Variants in DDR2 observed in about 807,000 individuals in gnomAD.
DDR2 encodes the protein discoidin domain-containing receptor 2.
DDR2 carries 27 observed loss-of-function variants against 94.9 expected under a neutral mutation model. That is an observed-to-expected ratio of 0.28 (90% CI 0.21 to 0.39). DDR2 has a LOEUF of 0.39. Ranked by LOEUF, DDR2 falls within the 10% of genes least tolerant of loss-of-function variation. The probability of loss-of-function intolerance (pLI) is 1.00; values close to 1 mark genes in which losing one functional copy is unlikely to be tolerated. For missense variants in DDR2, 783 were observed against 1,076.0 expected (o/e 0.73, Z 3.81); for synonymous variants, 382 against 377.2 (o/e 1.01, Z -0.15).
intron 1 of DDR2, among the ~76,000 whole-genome samples, chr1:162,643,208 A>G (rs1657232521): frequency 6.6e-6 from 1 of 152,028 alleles, no homozygotes; most frequent in Non-Finnish European, 1.5e-5. Context: ...AGCGCCCCCC[A>G]TGCTCCAGAA....
At chr1:162,701,403 G>A (rs1450744038) in intron 2 of DDR2, among the ~76,000 whole-genome samples, 2 of 152,238 alleles carry the variant, frequency 1.3e-5, no homozygotes, top group Non-Finnish European at 2.9e-5. Flanking sequence ...TCATGTGGGA[G>A]TGTTCATAGG....
intron 3 of DDR2, among the ~76,000 whole-genome samples, chr1:162,725,373 C>T (rs1193826529): frequency 3.3e-5 from 5 of 151,976 alleles, no homozygotes; most frequent in African/African-American, 4.8e-5. Context: ...AAGAGTTTTT[C>T]GCTTGTTTTT....
chr1:162,763,202 A>G (rs1663828277), intron 9 of DDR2, among the ~76,000 whole-genome samples: 1 of 144,204 alleles, frequency 6.9e-6, no homozygotes, highest in African/African-American at 2.6e-5. Flanking sequence ...TTTTTTTGAG[A>G]CGGTATCTTG....
rs2102199951 is a variant in DDR2, at chr1:162,776,347, A to G, written c.2260A>G (p.Met754Val). The change falls in exon 16 of 18, where the codon ATG (methionine) becomes GTG (valine). Residue 754 changes from methionine (M) to valine (V), a missense_variant. By Grantham distance (21) the Met-to-Val change is conservative. This residue lies in a region of DDR2 where 264 missense variants were observed against 428.2 expected (regional missense o/e 0.62). Transcript: ENST00000367921. Reference protein sequence around the residue: ...QGRAVLPIRWMSWESILLGKF... With the variant: ...QGRAVLPIRWVSWESILLGKF... ...CCGGGCAGTGCTCCCTATCCGCTGG[A>G]TGTCTTGGGAGAGTATCTTGCTGGT... is the stretch of plus-strand genomic sequence containing the variant. The G allele has an allele frequency of 6.2e-7, 1 of 1,614,076 alleles. No homozygotes were observed. The highest frequency in any genetic ancestry group is 8.5e-7 in the Non-Finnish European group (1 of 1,179,960).
At chr1:162,631,847 G>A (rs996544727), upstream of DDR2, among the ~76,000 whole-genome samples, 2 of 151,920 alleles carry the variant, frequency 1.3e-5, no homozygotes, top group Non-Finnish European at 2.9e-5. Flanking sequence ...GACCCTCAGA[G>A]GCAGCAGCCA....
At chr1:162,681,076 C>T (rs544029480) in intron 2 of DDR2, among the ~76,000 whole-genome samples, 12 of 152,138 alleles carry the variant, frequency 7.9e-5, no homozygotes, top group East Asian at 1.9e-4. Flanking sequence ...AGACTTTAAG[C>T]CTGGGCTCTG....
At chr1:162,677,024 G>C (rs1221461880) in intron 2 of DDR2, among the ~76,000 whole-genome samples, 1 of 152,120 alleles carries the variant, frequency 6.6e-6, no homozygotes, top group African/African-American at 2.4e-5. Context: ...TGCTCACGGG[G>C]TTTTGGCCAA....
chr1:162,664,670 G>A (rs573163964), intron 2 of DDR2, among the ~76,000 whole-genome samples: 2 of 152,222 alleles, frequency 1.3e-5, no homozygotes, highest in Non-Finnish European at 2.9e-5. Flanking sequence ...ATGCCAAATT[G>A]TTAACTATGA....
At chr1:162,708,435 A>G (rs1445902124) in intron 2 of DDR2, among the ~76,000 whole-genome samples, 2 of 152,188 alleles carry the variant, frequency 1.3e-5, no homozygotes, top group Non-Finnish European at 2.9e-5. Flanking sequence ...CCATAACCGC[A>G]AGAGTAGGAT....
rs930121765 is a variant in DDR2 at position 162,766,111 on chromosome 1, G to A, written c.1162+48G>A. On this transcript the variant is annotated intron_variant, in intron 10 of 17. Transcript: ENST00000367921. The stretch of plus-strand genomic sequence containing the variant: ...CAAATTAATTTGAAGGGACTTACTG[G>A]GGGATGAAGAAGGGTGGAGAGTTGC... 5 of 1,600,562 alleles carry A rather than the reference G, an allele frequency of 3.1e-6. No homozygotes were observed. The African/African-American group carries it at 6.7e-5, about 21-fold the overall frequency.
At chr1:162,740,958 G>C (rs998748877) in intron 3 of DDR2, among the ~76,000 whole-genome samples, 1 of 151,916 alleles carries the variant, frequency 6.6e-6, no homozygotes, top group African/African-American at 2.4e-5. Context: ...CTTGCACCAG[G>C]CCACTCTTTT....
intron 3 of DDR2, among the ~76,000 whole-genome samples, chr1:162,745,514 T>C (rs115877373): frequency 0.011 from 1,666 of 152,286 alleles, 34 homozygotes; most frequent in African/African-American, 0.038. Flanking sequence ...CAATGTATGA[T>C]AATAGTTTAA....
At chr1:162,767,194 T>C in intron 10 of DDR2, 35 bp from the exon 11 acceptor site, 15 of 1,613,830 alleles carry the variant, frequency 9.3e-6, no homozygotes, top group Non-Finnish European at 1.3e-5. Context: ...ACCTGTGAGA[T>C]GATTGTATTC....
At chr1:162,661,855 T>C (rs897811868) in intron 2 of DDR2, among the ~76,000 whole-genome samples, 3 of 152,214 alleles carry the variant, frequency 2.0e-5, no homozygotes, top group Non-Finnish European at 4.4e-5. Context: ...GGTGAGATTC[T>C]GTGGGAATCT....
chr1:162,755,612 G>A (rs897863439), intron 6 of DDR2, 52 bp from the exon 7 acceptor site: 11 of 1,516,300 alleles, frequency 7.3e-6, no homozygotes, highest in Admixed American at 3.3e-5. Flanking sequence ...ATAGTTCCCT[G>A]AGGTAATGGG....
At chr1:162,732,628 T>C (rs1662111299) in intron 3 of DDR2, among the ~76,000 whole-genome samples, 1 of 152,248 alleles carries the variant, frequency 6.6e-6, no homozygotes, top group Non-Finnish European at 1.5e-5. Context: ...TCCCTTTAGA[T>C]TGTAGACTGG....
chr1:162,766,900 C>T lies in DDR2; in HGVS notation c.1163-329C>T, dbSNP rs1780001. ...TACAAAAATTAGCCGGGCGTAGTGG[C>T]GCATGCCTGTAATCCCAGCTACTCA... On this transcript the variant is annotated intron_variant, in intron 10 of 17. Coordinates refer to ENST00000367921, the MANE Select transcript of DDR2 (RefSeq NM_006182.4). 0.62 allele frequency among the ~76,000 whole-genome samples: 94,481 copies of T among 151,424 alleles called. 33,456 individuals are homozygous for T. Among genetic ancestry groups the T allele is most frequent in the Non-Finnish European group, 0.8 (54,119 of 67,880 alleles).
chr1:162,774,233 C>T (rs1197038991), intron 14 of DDR2, among the ~76,000 whole-genome samples: 2 of 152,168 alleles, frequency 1.3e-5, no homozygotes, highest in East Asian at 1.9e-4. Flanking sequence ...ACAGCCTTTC[C>T]ATTACAATAA....
intron 2 of DDR2, among the ~76,000 whole-genome samples, chr1:162,665,168 T>A (rs536725886): frequency 1.6e-4 from 24 of 152,332 alleles, no homozygotes; most frequent in African/African-American, 5.8e-4. Context: ...TAACCTCCCC[T>A]TTCTGAAACT....
Sources: allele counts gnomAD v4.1 joint callset (sites outside exome capture counted in the v4.1 genomes callset), GRCh38; gene constraint gnomAD v4.1.1; regional missense constraint gnomAD v4.1.1; transcripts MANE v1.5; gene names NCBI Gene and HGNC (gene_info 2026-07-23, HGNC 2026-07-21).